MYO16: variants seen among roughly 807,000 people sequenced by gnomAD.
MYO16 encodes myosin XVI, also known as unconventional myosin-XVI.
A neutral mutation model predicts 205.3 loss-of-function variants in MYO16; 94 were observed. That is an observed-to-expected ratio of 0.46 (90% CI 0.39 to 0.54). The LOEUF (loss-of-function observed/expected upper bound fraction) is 0.54, where lower values mean the gene tolerates loss of function less well. MYO16 is among the 20% of genes least tolerant of loss of function. MYO16 has a pLI of 0.00. For synonymous variants in MYO16, 988 were observed against 954.0 expected (o/e 1.04, Z -0.66); for missense variants, 2,315 against 2,387.5 (o/e 0.97, Z 0.63).
At chr13:108,627,966 C>T (rs190097510), upstream of MYO16, among the ~76,000 whole-genome samples, 115 of 152,160 alleles carry the variant, frequency 7.6e-4, no homozygotes, top group African/African-American at 2.7e-3. Flanking sequence ...TACAACCTTA[C>T]CCGAAGATAC....
chr13:109,147,415 A>G (rs1239546366), intron 32 of MYO16, among the ~76,000 whole-genome samples: 1 of 152,154 alleles, frequency 6.6e-6, no homozygotes, highest in Non-Finnish European at 1.5e-5. Flanking sequence ...GTGTGTGCAA[A>G]TTGCTATTCT....
chr13:109,006,087 A>T (rs1885379581), intron 21 of MYO16, among the ~76,000 whole-genome samples: 1 of 152,176 alleles, frequency 6.6e-6, no homozygotes, highest in Non-Finnish European at 1.5e-5. Flanking sequence ...GGAGGACATG[A>T]ATGCCCATTA....
At chr13:108,867,829 A>G (rs1485889982) in intron 12 of MYO16, among the ~76,000 whole-genome samples, 1 of 152,096 alleles carries the variant, frequency 6.6e-6, no homozygotes, top group Non-Finnish European at 1.5e-5. Flanking sequence ...AACGTGACAT[A>G]CCTCCCCAAA....
the MYO16 span, among the ~76,000 whole-genome samples, chr13:108,520,893 A>G: frequency 1.3e-5 from 2 of 152,172 alleles, no homozygotes; most frequent in African/African-American, 2.4e-5. Context: ...ATTAATTACA[A>G]TTTGGGCTAA....
the MYO16 span, among the ~76,000 whole-genome samples, chr13:108,574,026 T>C: frequency 6.6e-6 from 1 of 152,098 alleles, no homozygotes; most frequent in East Asian, 1.9e-4. Context: ...AATTTTTCTA[T>C]TATTTTTGTA....
At chr13:109,051,619 C>G (rs1275171271) in intron 24 of MYO16, among the ~76,000 whole-genome samples, 1 of 152,154 alleles carries the variant, frequency 6.6e-6, no homozygotes, top group African/African-American at 2.4e-5. Context: ...CCAAAATCCA[C>G]TCAACTGAGC....
chr13:108,497,635 G>T, the MYO16 span, among the ~76,000 whole-genome samples: 3 of 152,186 alleles, frequency 2.0e-5, no homozygotes, highest in African/African-American at 7.2e-5. Context: ...TGTACTATGA[G>T]AATTGGGAGG....
intron 1 of MYO16, among the ~76,000 whole-genome samples, chr13:108,656,547 G>A (rs1022383107): frequency 1.1e-4 from 17 of 152,086 alleles, no homozygotes; most frequent in Non-Finnish European, 1.9e-4. Context: ...TGAGATCTTC[G>A]ATATAAAGCA....
At chr13:108,577,816 C>T in the MYO16 span, among the ~76,000 whole-genome samples, 60 of 152,268 alleles carry the variant, frequency 3.9e-4, no homozygotes, top group Non-Finnish European at 7.6e-4. Context: ...AACAAGAAAA[C>T]TATGTATCCA....
chr13:108,697,977 C>T (rs2139511380), intron 2 of MYO16, among the ~76,000 whole-genome samples: 1 of 152,280 alleles, frequency 6.6e-6, no homozygotes, highest in South Asian at 2.1e-4. Flanking sequence ...CCCGCCTTGG[C>T]CTCCCAAAGT....
intron 34 of MYO16, among the ~76,000 whole-genome samples, chr13:109,182,419 C>T (rs1212891768): frequency 6.6e-6 from 1 of 152,094 alleles, no homozygotes; most frequent in Non-Finnish European, 1.5e-5. Flanking sequence ...CCATGCAGCA[C>T]CAGCAGAAGA....
chr13:108,978,174 T>A (rs528149442), intron 20 of MYO16, among the ~76,000 whole-genome samples: 1 of 152,234 alleles, frequency 6.6e-6, no homozygotes, highest in Non-Finnish European at 1.5e-5. Context: ...CTGACTTTTC[T>A]TATTAGTTCT....
At chr13:108,869,420 A>G (rs1189006995) in intron 12 of MYO16, among the ~76,000 whole-genome samples, 1 of 151,922 alleles carries the variant, frequency 6.6e-6, no homozygotes, top group Non-Finnish European at 1.5e-5. Context: ...TATGTATAAA[A>G]ACAGTTTAAA....
intron 2 of MYO16, among the ~76,000 whole-genome samples, chr13:108,705,436 A>G (rs184309831): frequency 2.0e-5 from 3 of 152,326 alleles, no homozygotes; most frequent in Admixed American, 2.0e-4. Flanking sequence ...CATCACAAGA[A>G]GAATAAGAGT....
intron 1 of MYO16, among the ~76,000 whole-genome samples, chr13:108,633,018 C>A (rs76072049): frequency 0.03 from 4,522 of 152,230 alleles, 229 homozygotes; most frequent in African/African-American, 0.1. Context: ...TGACCTATTT[C>A]TCTCCTGGTT....
At chr13:109,192,113 G>T (rs1161801874) in intron 34 of MYO16, among the ~76,000 whole-genome samples, 1 of 152,114 alleles carries the variant, frequency 6.6e-6, no homozygotes, top group Non-Finnish European at 1.5e-5. Flanking sequence ...TAGTAGACCT[G>T]ATTTTTCTCT....
At chr13:108,914,514 C>T (rs547220021) in intron 16 of MYO16, among the ~76,000 whole-genome samples, 2 of 152,260 alleles carry the variant, frequency 1.3e-5, no homozygotes, top group South Asian at 4.1e-4. Flanking sequence ...TCTCTCTCTT[C>T]TTCCTTCATA....
At chr13:108,765,293 A>T (rs1885741998) in intron 4 of MYO16, among the ~76,000 whole-genome samples, 1 of 152,150 alleles carries the variant, frequency 6.6e-6, no homozygotes, top group African/African-American at 2.4e-5. Flanking sequence ...CACTACTTTT[A>T]TATACATTTT....
chr13:108,536,840 T>G, the MYO16 span, among the ~76,000 whole-genome samples: 20 of 152,252 alleles, frequency 1.3e-4, no homozygotes, highest in African/African-American at 4.8e-4. Flanking sequence ...ATTTAAAATC[T>G]AAACCTGTCA....
Sources: allele counts gnomAD v4.1 joint callset (sites outside exome capture counted in the v4.1 genomes callset), GRCh38; gene constraint gnomAD v4.1.1; transcripts MANE v1.5; gene names NCBI Gene and HGNC (gene_info 2026-07-23, HGNC 2026-07-21).